SLMAP: variants seen among roughly 807,000 people sequenced by gnomAD.
The protein encoded by SLMAP is sarcolemmal membrane-associated protein.
A neutral mutation model predicts 128.8 loss-of-function variants in SLMAP; 44 were observed. The observed-to-expected ratio is 0.34, with a 90% confidence interval of 0.27 to 0.44. SLMAP has a LOEUF of 0.44. Among genes scored for constraint, SLMAP ranks in the 20% least tolerant of loss-of-function variants. The probability of loss-of-function intolerance (pLI) is 1.00; values close to 1 mark genes in which losing one functional copy is unlikely to be tolerated. For synonymous variants in SLMAP, 327 were observed against 348.8 expected (o/e 0.94, Z 0.70); for missense variants, 787 against 985.3 (o/e 0.80, Z 2.69).
intron 2 of SLMAP, among the ~76,000 whole-genome samples, chr3:57,783,118 G>A (rs529589237): frequency 6.6e-6 from 1 of 152,226 alleles, no homozygotes; most frequent in African/African-American, 2.4e-5. Flanking sequence ...AGCAGCTTTG[G>A]AACTGGGTAA....
At chr3:57,793,315 A>G (rs117388953) in intron 2 of SLMAP, among the ~76,000 whole-genome samples, 2,101 of 152,288 alleles carry the variant, frequency 0.014, 40 homozygotes, top group East Asian at 0.071. Context: ...GACTTTTTAA[A>G]TTCATTAACA....
At position 57,818,446 on chromosome 3, in the gene SLMAP, C is replaced by G. The variant is rs539426269; in HGVS notation, c.199-12937C>G. Among the ~76,000 whole-genome samples, 8 of 152,284 alleles carry G rather than the reference C, an allele frequency of 5.3e-5. No homozygotes were observed. In the South Asian group the frequency reaches 1.4e-3, roughly 28 times the overall value. On this transcript the variant is annotated intron_variant, in intron 2 of 24. Transcript: ENST00000671191. Reference sequence around the variant, plus strand: ...CTGGGATTACAGGCGTGAGCCACTGCGCCTGGCCATAGTCCTGATTTCTTT... The same window carrying G: ...CTGGGATTACAGGCGTGAGCCACTGGGCCTGGCCATAGTCCTGATTTCTTT...
chr3:57,843,775 C>CTTTTTTTTTTTTTTTTTTTTTTTTTT (rs775541858), intron 4 of SLMAP, among the ~76,000 whole-genome samples: 1 of 77,126 alleles, frequency 1.3e-5, no homozygotes, highest in Non-Finnish European at 2.4e-5. Flanking sequence ...TCTTTTCTTT[C>CTTTTTTTTTTTTTTTTTTTTTTTTTT]TTTTTTTTTT....
At position 57,841,288 on chromosome 3, in the gene SLMAP, G is replaced by A. The variant is rs766602834; in HGVS notation, c.347-11G>A. 1 of 1,552,790 alleles carries A rather than the reference G, an allele frequency of 6.4e-7. No homozygotes were observed. The highest frequency in any genetic ancestry group is 1.8e-5 in the Admixed American group (1 of 55,066). On this transcript the variant is annotated splice_polypyrimidine_tract_variant and intron_variant, in intron 3 of 24. Transcript: ENST00000671191. ...ATTATTTCATCCATATTATTTGTTT[G>A]TTTCAACCAGTTACCCATGGGTGTA...
intron 22 of SLMAP, among the ~76,000 whole-genome samples, chr3:57,920,481 C>T (rs544569026): frequency 6.6e-6 from 1 of 152,188 alleles, no homozygotes; most frequent in African/African-American, 2.4e-5. Flanking sequence ...ATTTATCTTT[C>T]TTGAGCATGA....
chr3:57,793,468 G>C (rs2085973353), intron 2 of SLMAP, among the ~76,000 whole-genome samples: 2 of 152,290 alleles, frequency 1.3e-5, no homozygotes, highest in South Asian at 4.1e-4. Flanking sequence ...TCCGTATGGA[G>C]CTGACATTCT....
chr3:57,852,530 A>G (rs182414869), intron 6 of SLMAP, among the ~76,000 whole-genome samples: 1 of 152,338 alleles, frequency 6.6e-6, no homozygotes, highest in Admixed American at 6.5e-5. Flanking sequence ...CAGAATTGTG[A>G]AGAATAAAAA....
intron 15 of SLMAP, among the ~76,000 whole-genome samples, chr3:57,895,909 A>C (rs929452486): frequency 6.0e-5 from 9 of 150,622 alleles, no homozygotes; most frequent in East Asian, 2.0e-4. Context: ...GTCCCACTGC[A>C]CTCCAGCCTG....
At chr3:57,831,724 A>G (rs1048889710) in intron 3 of SLMAP, among the ~76,000 whole-genome samples, 194 bp downstream of exon 3, 1 of 152,146 alleles carries the variant, frequency 6.6e-6, no homozygotes, top group African/African-American at 2.4e-5. Flanking sequence ...AGTGTTATTT[A>G]GTAGTTTATA....
intron 8 of SLMAP, among the ~76,000 whole-genome samples, chr3:57,858,819 G>A (rs1229909958): frequency 6.6e-6 from 1 of 152,134 alleles, no homozygotes; most frequent in Non-Finnish European, 1.5e-5. Flanking sequence ...GCACATGCCT[G>A]TAATCCCAGC....
Position 57,858,098 on chromosome 3 carries a change from A to G in SLMAP, c.626A>G (p.Asp209Gly), listed in dbSNP as rs374168256. 1 of 1,585,298 alleles carries G rather than the reference A, an allele frequency of 6.3e-7. No homozygotes were observed. Among genetic ancestry groups the G allele is most frequent in the Admixed American group, 1.7e-5 (1 of 59,908 alleles). ...ATTTTTCTTCAATAGGCTTTAATAG[A>G]TGAAGATAGACTCTTATCACGGTTA... ...ASDTSWQALI[D>G]EDRLLSRLEV... Residue 209 changes from aspartate to glycine, a missense_variant, in exon 8 of 25, where the codon GAT becomes GGT. Physicochemically the swap from Asp to Gly is moderately conservative, Grantham distance 94. This residue lies in a region of SLMAP where 715 missense variants were observed against 843.6 expected (regional missense o/e 0.85). Transcript: ENST00000671191.
intron 15 of SLMAP, among the ~76,000 whole-genome samples, chr3:57,893,175 A>G (rs890445440): frequency 6.6e-6 from 1 of 152,078 alleles, no homozygotes; most frequent in Non-Finnish European, 1.5e-5. Context: ...AATACCTACT[A>G]GGTACTAGGC....
At chr3:57,848,901 G>T (rs1214021867) in intron 5 of SLMAP, among the ~76,000 whole-genome samples, 2 of 151,688 alleles carry the variant, frequency 1.3e-5, no homozygotes, top group African/African-American at 4.8e-5. Flanking sequence ...TAGAGACGGG[G>T]TTTCTCCATG....
intron 21 of SLMAP, 103 bp from the exon 22 acceptor site, chr3:57,916,803 G>T: frequency 2.3e-6 from 2 of 858,294 alleles, no homozygotes; most frequent in Non-Finnish European, 3.6e-6. Flanking sequence ...TTTTTTCTCT[G>T]AAATCCACTC....
chr3:57,841,384 TA>T lies in SLMAP; in HGVS notation c.419+14del. 2 of 1,555,844 alleles carry T rather than the reference TA, an allele frequency of 1.3e-6. No individual in the cohort carries two copies. The highest frequency in any genetic ancestry group is 1.8e-6 in the Non-Finnish European group (2 of 1,137,366). On this transcript the variant is annotated intron_variant, in intron 4 of 24. Coordinates refer to ENST00000671191, the MANE Select transcript of SLMAP (RefSeq NM_001377540.1). ...GGCTCCGCTCAGAGTGAGTATAATTTAGTACTGTGAAGTTTTTGTGAAGTTT... is the reference window on the plus strand; with the variant it reads ...GGCTCCGCTCAGAGTGAGTATAATTTGTACTGTGAAGTTTTTGTGAAGTTT...
chr3:57,762,398 TA>T lies in SLMAP; in HGVS notation c.198+4552del, dbSNP rs988792033. The stretch of plus-strand genomic sequence containing the variant: ...AAAAAAAAAAAGTTGGAAGAAATAA[TA>T]AACACTTGAAACTTTATGATTATTC... On this transcript the variant is annotated intron_variant, in intron 2 of 24. Coordinates refer to ENST00000671191, the MANE Select transcript of SLMAP (RefSeq NM_001377540.1). Among the ~76,000 whole-genome samples, 94 of 151,740 alleles carry T rather than the reference TA, an allele frequency of 6.2e-4. No homozygotes were observed. In the Middle Eastern group the frequency reaches 0.024, roughly 38 times the overall value.
chr3:57,840,468 A>G (rs1480291338), intron 3 of SLMAP, among the ~76,000 whole-genome samples: 1 of 152,356 alleles, frequency 6.6e-6, no homozygotes, highest in East Asian at 1.9e-4. Flanking sequence ...AAAATGTAAT[A>G]CAGTATTTGA....
chr3:57,813,012 T>C (rs919239163), intron 2 of SLMAP, among the ~76,000 whole-genome samples: 2 of 152,088 alleles, frequency 1.3e-5, no homozygotes, highest in African/African-American at 4.8e-5. Context: ...AACAGTTTTT[T>C]TCTGGACCAT....
intron 17 of SLMAP, chr3:57,901,186 G>C (rs186307316): frequency 6.6e-6 from 1 of 152,344 alleles, no homozygotes; most frequent in Admixed American, 6.5e-5. Flanking sequence ...TCCCTCTCTA[G>C]GACCTTTGAG....
Sources: gnomAD v4.1 joint callset for allele counts (sites outside exome capture counted in the v4.1 genomes callset) on GRCh38, gnomAD v4.1.1 for gene constraint, gnomAD v4.1.1 regional missense constraint, MANE v1.5 for transcripts, NCBI Gene and HGNC (gene_info 2026-07-23, HGNC 2026-07-21) for gene names.